BMERB1: variants seen among roughly 807,000 people sequenced by gnomAD.
BMERB1 encodes the protein bMERB domain containing 1.
Under a neutral mutation model 23.6 loss-of-function variants are expected in BMERB1, and 12 were observed. The observed-to-expected ratio is 0.51, with a 90% CI of 0.33 to 0.82. The LOEUF (loss-of-function observed/expected upper bound fraction) is 0.82, where lower values mean the gene tolerates loss of function less well. BMERB1 is among the 40% of genes least tolerant of loss of function. The pLI, the probability that BMERB1 is intolerant of heterozygous loss-of-function variation, is 0.03. For missense variants in BMERB1, 247 were observed against 255.4 expected (o/e 0.97, Z 0.22); for synonymous variants, 122 against 96.6 (o/e 1.26, Z -1.54).
At chr16:15,477,487 C>T (rs2450356) in intron 1 of BMERB1, among the ~76,000 whole-genome samples, 86,903 of 151,892 alleles carry the variant, frequency 0.57, 26,185 homozygotes, top group Middle Eastern at 0.72. Context: ...AATAATTAGC[C>T]AGTTGTGTTG....
intron 1 of BMERB1, among the ~76,000 whole-genome samples, chr16:15,494,814 T>C (rs1402191773): frequency 6.6e-6 from 1 of 152,086 alleles, no homozygotes; most frequent in Non-Finnish European, 1.5e-5. Flanking sequence ...TTAATGATCT[T>C]ATTGGAGCCT....
chr16:15,466,814 C>T (rs1427500943), intron 1 of BMERB1, among the ~76,000 whole-genome samples: 1 of 152,068 alleles, frequency 6.6e-6, no homozygotes, highest in African/African-American at 2.4e-5. Flanking sequence ...AGAACAGTTC[C>T]ATCACAAAGG....
At chr16:15,471,588 C>G (rs182598572) in intron 1 of BMERB1, among the ~76,000 whole-genome samples, 7 of 152,168 alleles carry the variant, frequency 4.6e-5, no homozygotes, top group Admixed American at 4.6e-4. Context: ...GATATTAGTG[C>G]TTTGTGTCCT....
chr16:15,436,497 G>T (rs1442749157), intron 1 of BMERB1, among the ~76,000 whole-genome samples: 1 of 152,106 alleles, frequency 6.6e-6, no homozygotes, highest in Non-Finnish European at 1.5e-5. Flanking sequence ...GACCTCAGGT[G>T]ATCGGCCTGC....
chr16:15,497,508 A>G (rs923477978), intron 1 of BMERB1, among the ~76,000 whole-genome samples: 2 of 152,238 alleles, frequency 1.3e-5, no homozygotes, highest in African/African-American at 4.8e-5. Flanking sequence ...CAAGAAAGAA[A>G]AAAACTGTCT....
intron 2 of BMERB1, among the ~76,000 whole-genome samples, chr16:15,547,211 T>G (rs1263397901): frequency 2.0e-5 from 3 of 151,572 alleles, no homozygotes; most frequent in African/African-American, 4.9e-5. Flanking sequence ...ATGATTTCAC[T>G]ATGTTGGCCA....
At position 15,548,757 on chromosome 16, in the gene BMERB1, A is replaced by G. The variant is rs147083474; in HGVS notation, c.231-19226A>G. On this transcript the variant is annotated intron_variant, in intron 2 of 5. Coordinates refer to ENST00000300006, the MANE Select transcript of BMERB1 (RefSeq NM_033201.3). ...CTAATCACTAGCATGCTGAATAAAC[A>G]TGAAGTTGACTTAAACATTAATTTA... Among the ~76,000 whole-genome samples, 229 of 152,370 alleles carry G rather than the reference A, an allele frequency of 1.5e-3. 1 individual carries two copies. The highest frequency in any genetic ancestry group is 2.8e-3 in the Non-Finnish European group (190 of 68,028).
At chr16:15,446,015 G>C (rs2050985704) in intron 1 of BMERB1, among the ~76,000 whole-genome samples, 1 of 152,156 alleles carries the variant, frequency 6.6e-6, no homozygotes, top group Non-Finnish European at 1.5e-5. Context: ...TACTGTATGA[G>C]TCCGCTGACA....
intron 5 of BMERB1, among the ~76,000 whole-genome samples, chr16:15,585,975 A>G (rs1445027046): frequency 6.6e-6 from 1 of 152,236 alleles, no homozygotes; most frequent in Non-Finnish European, 1.5e-5. Context: ...TAAATGATCA[A>G]AGAGCTAAGA....
At chr16:15,490,957 C>A (rs1052466176) in intron 1 of BMERB1, among the ~76,000 whole-genome samples, 2 of 152,156 alleles carry the variant, frequency 1.3e-5, no homozygotes, top group African/African-American at 4.8e-5. Context: ...GCAATCCTCC[C>A]ACCTCAGCCT....
At chr16:15,545,255 G>A (rs2052122872) in intron 2 of BMERB1, among the ~76,000 whole-genome samples, 1 of 152,092 alleles carries the variant, frequency 6.6e-6, no homozygotes, top group Non-Finnish European at 1.5e-5. Flanking sequence ...TTACAGGTGT[G>A]AGCCACCACA....
At chr16:15,463,379 C>G (rs953293005) in intron 1 of BMERB1, among the ~76,000 whole-genome samples, 1 of 152,142 alleles carries the variant, frequency 6.6e-6, no homozygotes, top group African/African-American at 2.4e-5. Context: ...CAGGCATAAG[C>G]TACATCACCT....
intron 1 of BMERB1, among the ~76,000 whole-genome samples, chr16:15,464,637 T>C (rs1302560226): frequency 2.0e-5 from 3 of 152,158 alleles, no homozygotes; most frequent in Non-Finnish European, 4.4e-5. Context: ...TTCCTCTTCC[T>C]TTTAGACTAT....
chr16:15,464,312 TAAAAAAAAA>T (rs528828210), intron 1 of BMERB1, among the ~76,000 whole-genome samples: 2 of 103,996 alleles, frequency 1.9e-5, no homozygotes, highest in Non-Finnish European at 3.9e-5. Flanking sequence ...GACTTCATCT[TAAAAAAAAA>T]AAAAAAAAAA....
At chr16:15,522,794 G>A (rs1310562557) in intron 2 of BMERB1, among the ~76,000 whole-genome samples, 2 of 152,120 alleles carry the variant, frequency 1.3e-5, no homozygotes, top group Non-Finnish European at 2.9e-5. Flanking sequence ...GCCAGTTGTC[G>A]GGATCTGATC....
intron 2 of BMERB1, among the ~76,000 whole-genome samples, chr16:15,529,214 G>T (rs1482394827): frequency 3.9e-5 from 6 of 152,070 alleles, no homozygotes; most frequent in Non-Finnish European, 7.4e-5. Context: ...TATTGGTAGA[G>T]ACAGGGTTTC....
chr16:15,515,475 A>G, intron 2 of BMERB1, 47 bp downstream of exon 2: 1 of 1,589,088 alleles, frequency 6.3e-7, no homozygotes, highest in South Asian at 1.1e-5. Context: ...TGTGGAGGAG[A>G]GAGGAAAACC....
chr16:15,486,928 G>A (rs2051373835), intron 1 of BMERB1, among the ~76,000 whole-genome samples: 2 of 152,176 alleles, frequency 1.3e-5, no homozygotes, highest in African/African-American at 4.8e-5. Context: ...GCCATTAAAT[G>A]TGTTAATGTA....
chr16:15,510,938 G>A (rs905556937), intron 1 of BMERB1, among the ~76,000 whole-genome samples: 1 of 152,068 alleles, frequency 6.6e-6, no homozygotes, highest in African/African-American at 2.4e-5. Flanking sequence ...CTGACCTCAG[G>A]TGATCCGCCC....
Sources: gnomAD v4.1 joint callset for allele counts (sites outside exome capture counted in the v4.1 genomes callset) on GRCh38, gnomAD v4.1.1 for gene constraint, MANE v1.5 for transcripts, NCBI Gene and HGNC (gene_info 2026-07-23, HGNC 2026-07-21) for gene names.